Variants in FGF12 observed in about 807,000 individuals in gnomAD.
FGF12 encodes the protein fibroblast growth factor 12, also known as fibroblast growth factor 12B.
Under a neutral mutation model 23.6 loss-of-function variants are expected in FGF12, and 14 were observed. That is an observed-to-expected ratio of 0.59 (90% CI 0.39 to 0.93). The LOEUF is 0.93. Ranked by LOEUF, FGF12 falls within the 40% of genes least tolerant of loss-of-function variation. The pLI, the probability that FGF12 is intolerant of heterozygous loss-of-function variation, is 0.00. For synonymous variants in FGF12, 62 were observed against 77.3 expected (o/e 0.80, Z 1.04); for missense variants, 175 against 217.8 (o/e 0.80, Z 1.24).
chr3:192,366,163 G>A (rs1718976074), intron 2 of FGF12, among the ~76,000 whole-genome samples: 1 of 152,028 alleles, frequency 6.6e-6, no homozygotes, highest in South Asian at 2.1e-4. Flanking sequence ...CTGAGGGTTG[G>A]GGAGCAAGAA....
At chr3:192,603,294 C>A (rs554399520) in intron 2 of FGF12, among the ~76,000 whole-genome samples, 7 of 152,264 alleles carry the variant, frequency 4.6e-5, no homozygotes, top group Non-Finnish European at 8.8e-5. Flanking sequence ...ATTAAAGACT[C>A]TGCCAAAAGG....
intron 4 of FGF12, among the ~76,000 whole-genome samples, chr3:192,306,063 T>C (rs554032825): frequency 2.0e-5 from 3 of 152,076 alleles, no homozygotes; most frequent in African/African-American, 7.2e-5. Context: ...GGTTTCACTG[T>C]GTTAGCCAGG....
chr3:192,719,665 T>G (rs1054723724), intron 2 of FGF12, among the ~76,000 whole-genome samples: 1 of 151,608 alleles, frequency 6.6e-6, no homozygotes, highest in African/African-American at 2.4e-5. Flanking sequence ...GTGTAAATAG[T>G]CTAATTTTAA....
intron 4 of FGF12, among the ~76,000 whole-genome samples, chr3:192,264,788 T>C (rs1019310180): frequency 1.4e-4 from 21 of 151,776 alleles, no homozygotes; most frequent in African/African-American, 5.1e-4. Flanking sequence ...CCAACAAGAG[T>C]GGAATTCCAG....
At chr3:192,163,693 C>T (rs1488889453) in intron 5 of FGF12, among the ~76,000 whole-genome samples, 1 of 152,094 alleles carries the variant, frequency 6.6e-6, no homozygotes, top group Non-Finnish European at 1.5e-5. Context: ...TCTAGGAACA[C>T]TACAGATGGT....
intron 4 of FGF12, among the ~76,000 whole-genome samples, chr3:192,256,707 A>G (rs920500586): frequency 8.5e-5 from 13 of 152,160 alleles, no homozygotes; most frequent in Non-Finnish European, 5.9e-5. Flanking sequence ...AAAATAGTAA[A>G]GTAGGTTTTA....
In FGF12 at chr3:192,408,244, A is replaced by G; in HGVS notation, c.14-47706T>C. 1 of 1,578,546 alleles carries G rather than the reference A, an allele frequency of 6.3e-7. No individual in the cohort carries two copies. Among genetic ancestry groups the G allele is most frequent in the East Asian group, 2.3e-5 (1 of 44,148 alleles). On this transcript the variant is annotated intron_variant, in intron 2 of 5. Coordinates refer to ENST00000445105, the MANE Select transcript of FGF12 (RefSeq NM_004113.6). The surrounding 1 kb of genome is among the most constrained non-coding windows in gnomAD (Gnocchi z 7.3). ...GCCATAGCTGCTCAGCGAGGGCCTC[A>G]GGCCCCAGCCTCTACTGCGCCCTCC...
intron 2 of FGF12, among the ~76,000 whole-genome samples, chr3:192,381,036 A>G (rs1719792356): frequency 1.3e-5 from 2 of 151,636 alleles, no homozygotes; most frequent in Non-Finnish European, 2.9e-5. Context: ...AATATCATAC[A>G]TTCATTTTCT....
At position 192,395,285 on chromosome 3, in the gene FGF12, A is replaced by T. The variant is rs780985670; in HGVS notation, c.14-34747T>A. ...AGTTTGAAGGTGTTAGGCAAAGTAA[A>T]TACTAAGTATAAGAAGGGATGGCCA... On this transcript the variant is annotated intron_variant, in intron 2 of 5. Transcript: ENST00000445105. Among the ~76,000 whole-genome samples the T allele has an allele frequency of 5.3e-5, 8 of 152,336 alleles. No homozygotes were observed. In the South Asian group the frequency reaches 1.7e-3, roughly 32 times the overall value.
chr3:192,434,229 C>G (rs1560109843), intron 2 of FGF12, among the ~76,000 whole-genome samples: 1 of 152,062 alleles, frequency 6.6e-6, no homozygotes, highest in Non-Finnish European at 1.5e-5. Context: ...AGGGGCTGTG[C>G]AAGTGAGGAA....
chr3:192,451,046 T>C (rs1440457816), intron 2 of FGF12, among the ~76,000 whole-genome samples: 1 of 152,212 alleles, frequency 6.6e-6, no homozygotes, highest in East Asian at 1.9e-4. Flanking sequence ...GCTTCTCTTA[T>C]CATGATCTGT....
chr3:192,719,661 A>G (rs1577140318), intron 2 of FGF12, among the ~76,000 whole-genome samples: 1 of 135,032 alleles, frequency 7.4e-6, no homozygotes. Flanking sequence ...AAATGTGTAA[A>G]TAGTCTAATT....
chr3:192,504,805 C>T (rs139772430), intron 2 of FGF12, among the ~76,000 whole-genome samples: 15 of 152,028 alleles, frequency 9.9e-5, no homozygotes, highest in Non-Finnish European at 1.6e-4. Context: ...CTGGTGAGTT[C>T]GACGTGTCAA....
chr3:192,640,966 C>A (rs1715775368), intron 2 of FGF12, among the ~76,000 whole-genome samples: 2 of 151,958 alleles, frequency 1.3e-5, no homozygotes, highest in Admixed American at 1.3e-4. Context: ...GTACATGCCA[C>A]CATGCCCAGC....
intron 2 of FGF12, among the ~76,000 whole-genome samples, chr3:192,608,598 C>T (rs1714433993): frequency 6.6e-6 from 1 of 152,068 alleles, no homozygotes; most frequent in Non-Finnish European, 1.5e-5. Flanking sequence ...GTCAGATAAA[C>T]AGTGTGTATT....
At chr3:192,311,923 GTCTGTCTATCTATCTA>G (rs1192274938) in intron 4 of FGF12, among the ~76,000 whole-genome samples, 6 of 126,870 alleles carry the variant, frequency 4.7e-5, no homozygotes, top group African/African-American at 1.9e-4. Flanking sequence ...GCTATTGACT[GTCTGTCTATCTATCTA>G]TCTATCTATC....
At chr3:192,407,684 G>C (rs533972755) in intron 2 of FGF12, among the ~76,000 whole-genome samples, 30 of 146,498 alleles carry the variant, frequency 2.0e-4, no homozygotes, top group African/African-American at 6.9e-4. Flanking sequence ...TGGATGGATG[G>C]GAGAGCGGGA....
intron 2 of FGF12, among the ~76,000 whole-genome samples, chr3:192,665,282 A>G (rs115034619): frequency 0.011 from 1,699 of 152,262 alleles, 34 homozygotes; most frequent in African/African-American, 0.04. Flanking sequence ...TGGTTCATGG[A>G]ACAATTATAG....
intron 2 of FGF12, among the ~76,000 whole-genome samples, chr3:192,459,874 T>C (rs1722810103): frequency 6.6e-6 from 1 of 151,948 alleles, no homozygotes; most frequent in Non-Finnish European, 1.5e-5. Context: ...TGTGTGCGTG[T>C]GTGTGTGAGA....
Sources: allele counts gnomAD v4.1 joint callset (sites outside exome capture counted in the v4.1 genomes callset), GRCh38; gene constraint gnomAD v4.1.1; non-coding constraint Gnocchi (gnomAD v3.1); transcripts MANE v1.5; gene names NCBI Gene and HGNC (gene_info 2026-07-23, HGNC 2026-07-21).